TMTC2: variants seen among roughly 807,000 people sequenced by gnomAD.
The protein encoded by TMTC2 is protein O-mannosyl-transferase TMTC2.
A neutral mutation model predicts 82.4 loss-of-function variants in TMTC2; 43 were observed. The ratio of observed to expected loss-of-function variants is 0.52; its 90% CI spans 0.41 to 0.67. TMTC2 has a LOEUF of 0.67. Ranked by LOEUF, TMTC2 falls within the 30% of genes least tolerant of loss-of-function variation. The pLI is 0.00. For synonymous variants in TMTC2, 408 were observed against 381.9 expected (o/e 1.07, Z -0.80); for missense variants, 919 against 1,012.4 (o/e 0.91, Z 1.25).
At chr12:82,848,736 T>C (rs952809646) in intron 1 of TMTC2, among the ~76,000 whole-genome samples, 1 of 152,120 alleles carries the variant, frequency 6.6e-6, no homozygotes, top group African/African-American at 2.4e-5. Flanking sequence ...ATATCTCCCA[T>C]ATATCATCCC....
intron 2 of TMTC2, among the ~76,000 whole-genome samples, chr12:82,864,669 T>G (rs973550300): frequency 6.6e-5 from 10 of 151,026 alleles, no homozygotes; most frequent in Admixed American, 1.3e-4. Context: ...GCCCAGCTAA[T>G]TTTTTGTATT....
intron 8 of TMTC2, among the ~76,000 whole-genome samples, chr12:83,020,246 C>A (rs1420814580): frequency 2.0e-5 from 3 of 152,100 alleles, no homozygotes; most frequent in Non-Finnish European, 4.4e-5. Flanking sequence ...CATTTTCATT[C>A]TAGGGCTCAA....
chr12:82,856,338 C>T (rs1182863228), intron 1 of TMTC2, among the ~76,000 whole-genome samples: 1 of 152,144 alleles, frequency 6.6e-6, no homozygotes, highest in East Asian at 1.9e-4. Context: ...TATTAGAATG[C>T]AGTAGGAAGG....
In TMTC2 at chr12:82,985,211, A is replaced by G. The variant is rs553373929; in HGVS notation, c.1949-714A>G. On this transcript the variant is annotated intron_variant, in intron 7 of 11. Coordinates refer to ENST00000321196, the MANE Select transcript of TMTC2 (RefSeq NM_152588.3). ...GTAGCTGAGTCTACACCTGCATGAC[A>G]CCACACCCACCTAATTTTTTTTCAG... Among the ~76,000 whole-genome samples the G allele has an allele frequency of 1.6e-4, 24 of 151,978 alleles. No individual in the cohort carries two copies. The East Asian group carries it at 3.3e-3, about 21-fold the overall frequency.
At chr12:82,858,104 TAAGAATAGA>T (rs1413025930) in intron 2 of TMTC2, among the ~76,000 whole-genome samples, 4 of 152,194 alleles carry the variant, frequency 2.6e-5, no homozygotes, top group African/African-American at 9.6e-5. Flanking sequence ...TGATAGTGCA[TAAGAATAGA>T]AAAGTCAAAA....
At chr12:82,731,480 G>T (rs1354570404) in intron 1 of TMTC2, among the ~76,000 whole-genome samples, 2 of 152,122 alleles carry the variant, frequency 1.3e-5, no homozygotes, top group African/African-American at 4.8e-5. Flanking sequence ...TATTTAGTAG[G>T]CCATATACAA....
chr12:82,719,334 C>T lies in TMTC2; in HGVS notation c.83+31665C>T, dbSNP rs1372421093. On this transcript the variant is annotated intron_variant, in intron 1 of 11. Transcript: ENST00000321196. ...GTCTCTAACTCCTGACCTCGTGATC[C>T]ACCCGCCTTGGCCTCCCAAAGTGCT... Among the ~76,000 whole-genome samples, 5 of 151,834 alleles carry T rather than the reference C, an allele frequency of 3.3e-5. No homozygotes were observed. In the East Asian group the frequency reaches 9.6e-4, roughly 29 times the overall value.
chr12:82,757,035 G>A (rs563427160), intron 1 of TMTC2, among the ~76,000 whole-genome samples: 2 of 152,220 alleles, frequency 1.3e-5, no homozygotes, highest in South Asian at 4.1e-4. Context: ...GACAACACGT[G>A]AAAAACCCCT....
At chr12:83,051,822 G>A (rs1882357759) in intron 10 of TMTC2, among the ~76,000 whole-genome samples, 2 of 151,924 alleles carry the variant, frequency 1.3e-5, no homozygotes, top group African/African-American at 2.4e-5. Context: ...TACAATGAGA[G>A]CAAAAAAACT....
intron 1 of TMTC2, among the ~76,000 whole-genome samples, chr12:82,762,729 T>G (rs1876720681): frequency 6.6e-6 from 1 of 152,130 alleles, no homozygotes; most frequent in South Asian, 2.1e-4. Flanking sequence ...TCAAAGGAAA[T>G]AAAATTGAGT....
At chr12:83,024,244 G>C (rs1004077822) in intron 8 of TMTC2, among the ~76,000 whole-genome samples, 1 of 152,046 alleles carries the variant, frequency 6.6e-6, no homozygotes, top group Non-Finnish European at 1.5e-5. Context: ...ACAAATATTT[G>C]TATCAAAATT....
chr12:82,970,498 A>T (rs1046469073), intron 7 of TMTC2, among the ~76,000 whole-genome samples: 3 of 143,198 alleles, frequency 2.1e-5, no homozygotes, highest in East Asian at 3.9e-4. Context: ...CGCCCGGCTA[A>T]TTTTTTTTGT....
intron 1 of TMTC2, among the ~76,000 whole-genome samples, chr12:82,740,419 C>T: frequency 6.6e-6 from 1 of 152,140 alleles, no homozygotes; most frequent in East Asian, 1.9e-4. Flanking sequence ...TCCTCCTGGT[C>T]ATTTTTTCTT....
chr12:82,970,970 T>A (rs1287906870), intron 7 of TMTC2, among the ~76,000 whole-genome samples: 6 of 152,190 alleles, frequency 3.9e-5, no homozygotes, highest in Non-Finnish European at 7.3e-5. Flanking sequence ...TGTCATGATT[T>A]ATTTTTCATC....
At chr12:83,021,313 A>G (rs909515240) in intron 8 of TMTC2, among the ~76,000 whole-genome samples, 1 of 151,988 alleles carries the variant, frequency 6.6e-6, no homozygotes, top group South Asian at 2.1e-4. Flanking sequence ...TAGCATCTCA[A>G]TCACACAGAA....
At chr12:82,967,227 G>T (rs1592663535) in intron 7 of TMTC2, among the ~76,000 whole-genome samples, 1 of 152,146 alleles carries the variant, frequency 6.6e-6, no homozygotes, top group Non-Finnish European at 1.5e-5. Flanking sequence ...CAGAATTATT[G>T]CAAGGGACTC....
chr12:82,979,465 A>G (rs1878825870), intron 7 of TMTC2, among the ~76,000 whole-genome samples: 1 of 151,726 alleles, frequency 6.6e-6, no homozygotes, highest in African/African-American at 2.4e-5. Flanking sequence ...AAAATGAATA[A>G]CTCTACACTT....
At chr12:82,955,055 G>A (rs530096007) in intron 4 of TMTC2, among the ~76,000 whole-genome samples, 4 of 152,144 alleles carry the variant, frequency 2.6e-5, no homozygotes, top group Non-Finnish European at 2.9e-5. Flanking sequence ...GAAATGTATT[G>A]TAGTTAGTTG....
rs1383415009 is a variant in TMTC2, at chr12:82,864,064, G to GTA, written c.654+6485_654+6486dup. ...TTTGTAACTGGAGAGGTGAGGAAGA[G>GTA]TAAAGGGTACAGCATGAGCATTACA... On this transcript the variant is annotated intron_variant, in intron 2 of 11. Coordinates refer to ENST00000321196, the MANE Select transcript of TMTC2 (RefSeq NM_152588.3). Among the ~76,000 whole-genome samples the GTA allele has an allele frequency of 3.3e-5, 5 of 152,194 alleles. No individual in the cohort carries two copies. In the South Asian group the frequency reaches 6.2e-4, roughly 19 times the overall value.
Sources: gnomAD v4.1 joint callset for allele counts (sites outside exome capture counted in the v4.1 genomes callset) on GRCh38, gnomAD v4.1.1 for gene constraint, MANE v1.5 for transcripts, NCBI Gene and HGNC (gene_info 2026-07-23, HGNC 2026-07-21) for gene names.